The following ZNF385B variants were observed in gnomAD, a reference collection of about 807,000 sequenced individuals.
The protein encoded by ZNF385B is zinc finger protein 385B.
In ZNF385B, 23 loss-of-function variants were observed where a neutral mutation model predicts 39.2. The observed-to-expected ratio is 0.59, with a 90% CI of 0.42 to 0.83. The LOEUF (loss-of-function observed/expected upper bound fraction) is 0.83. ZNF385B is among the 40% of genes least tolerant of loss of function. The pLI, the probability that ZNF385B is intolerant of heterozygous loss-of-function variation, is 0.00. For synonymous variants in ZNF385B, 205 were observed against 222.6 expected (o/e 0.92, Z 0.70); for missense variants, 552 against 598.9 (o/e 0.92, Z 0.82).
chr2:179,496,909 T>C lies in ZNF385B; in HGVS notation c.553-13475A>G, dbSNP rs145358222. Among the ~76,000 whole-genome samples the C allele has an allele frequency of 3.5e-3, 537 of 152,152 alleles. 3 individuals are homozygous for C. The highest frequency in any genetic ancestry group is 5.8e-3 in the Non-Finnish European group (394 of 67,998). On this transcript the variant is annotated intron_variant, in intron 5 of 9. Transcript: ENST00000410066. Reference sequence around the variant, plus strand: ...ACTGAAAACACAAAAATCAGCTGGGTGTGGTGATGCAAATCTGTAATCCCA... The same window carrying C: ...ACTGAAAACACAAAAATCAGCTGGGCGTGGTGATGCAAATCTGTAATCCCA...
At chr2:179,502,253 C>T (rs2056832475) in intron 5 of ZNF385B, among the ~76,000 whole-genome samples, 1 of 152,118 alleles carries the variant, frequency 6.6e-6, no homozygotes, top group South Asian at 2.1e-4. Context: ...TGAATTAACG[C>T]TAGAGTGAGT....
At chr2:179,822,794 C>A (rs1172492830) in intron 1 of ZNF385B, among the ~76,000 whole-genome samples, 1 of 152,094 alleles carries the variant, frequency 6.6e-6, no homozygotes, top group South Asian at 2.1e-4. Context: ...TCTTTGCACA[C>A]AAAAATAAAC....
intron 1 of ZNF385B, among the ~76,000 whole-genome samples, chr2:179,835,135 T>C (rs1020934315): frequency 3.3e-5 from 5 of 152,178 alleles, no homozygotes; most frequent in African/African-American, 4.8e-5. Context: ...ATTGTTAAAT[T>C]TCCTGGACAT....
chr2:179,808,497 T>C (rs538102945), intron 1 of ZNF385B, among the ~76,000 whole-genome samples: 118 of 152,232 alleles, frequency 7.8e-4, no homozygotes, highest in Non-Finnish European at 1.5e-3. Context: ...CTAAAAAAAA[T>C]AACTAAGGCA....
At position 179,754,399 on chromosome 2, in the gene ZNF385B, T is replaced by G. The variant is rs562250296; in HGVS notation, c.298+15104A>C. 6.6e-5 allele frequency among the ~76,000 whole-genome samples: 10 copies of G among 152,322 alleles called. No homozygotes were observed. The South Asian group carries it at 2.1e-3, about 32-fold the overall frequency. ...GGATATTGGTCTAAAATTCTCTTTT[T>G]TGCTGTGCCTCTACCAGGCTTTGCT... On this transcript the variant is annotated intron_variant, in intron 3 of 9. Coordinates refer to ENST00000410066, the MANE Select transcript of ZNF385B (RefSeq NM_152520.6).
chr2:179,827,203 T>C (rs956554174), intron 1 of ZNF385B, among the ~76,000 whole-genome samples: 3 of 152,140 alleles, frequency 2.0e-5, no homozygotes, highest in Non-Finnish European at 4.4e-5. Flanking sequence ...CAAAGACTAG[T>C]TCGTGTGGAA....
At chr2:179,471,129 T>C (rs1274983123) in intron 6 of ZNF385B, among the ~76,000 whole-genome samples, 1 of 152,190 alleles carries the variant, frequency 6.6e-6, no homozygotes, top group Non-Finnish European at 1.5e-5. Flanking sequence ...TTAGGAACGT[T>C]GTTATATGGA....
intron 3 of ZNF385B, among the ~76,000 whole-genome samples, chr2:179,747,279 T>G (rs1356249278): frequency 2.6e-5 from 4 of 152,132 alleles, no homozygotes; most frequent in Non-Finnish European, 4.4e-5. Flanking sequence ...GAAAGTTGAC[T>G]CCTTACGGGC....
At chr2:179,754,861 G>C (rs1575427177) in intron 3 of ZNF385B, among the ~76,000 whole-genome samples, 1 of 152,058 alleles carries the variant, frequency 6.6e-6, no homozygotes, top group African/African-American at 2.4e-5. Flanking sequence ...TATCAATTTT[G>C]TTGATCTTTT....
intron 3 of ZNF385B, among the ~76,000 whole-genome samples, chr2:179,586,081 G>A (rs1024629085): frequency 4.6e-5 from 7 of 152,112 alleles, no homozygotes; most frequent in African/African-American, 1.7e-4. Context: ...TAGGTCCTGG[G>A]GCTTTATGCT....
At chr2:179,627,208 A>G (rs1034975796) in intron 3 of ZNF385B, among the ~76,000 whole-genome samples, 1 of 152,218 alleles carries the variant, frequency 6.6e-6, no homozygotes, top group African/African-American at 2.4e-5. Context: ...TTAACTAATT[A>G]TAGAAATTCT....
intron 3 of ZNF385B, 130 bp downstream of exon 3, chr2:179,769,373 G>T: frequency 7.3e-7 from 1 of 1,376,800 alleles, no homozygotes; most frequent in Non-Finnish European, 9.7e-7. Context: ...TTACCTGTAG[G>T]AGAAAGAGTA....
chr2:179,808,827 A>C (rs2106564074), intron 1 of ZNF385B, among the ~76,000 whole-genome samples: 1 of 152,354 alleles, frequency 6.6e-6, no homozygotes, highest in East Asian at 1.9e-4. Flanking sequence ...CTTTGCAAAA[A>C]AACAACAAAA....
chr2:179,460,504 C>T (rs73037350), intron 6 of ZNF385B, among the ~76,000 whole-genome samples: 4,832 of 152,228 alleles, frequency 0.032, 267 homozygotes, highest in African/African-American at 0.11. Flanking sequence ...TGTAGTTAAA[C>T]GATAACCAGC....
intron 3 of ZNF385B, among the ~76,000 whole-genome samples, chr2:179,687,984 C>T (rs1200430624): frequency 1.3e-5 from 2 of 152,094 alleles, no homozygotes; most frequent in African/African-American, 4.8e-5. Flanking sequence ...GAGATAGTAC[C>T]ATCTACCCCA....
At chr2:179,660,859 CTA>C (rs1694386649) in intron 3 of ZNF385B, among the ~76,000 whole-genome samples, 1 of 152,140 alleles carries the variant, frequency 6.6e-6, no homozygotes, top group African/African-American at 2.4e-5. Context: ...ATTTCTGAGA[CTA>C]TGTTTTCTAA....
chr2:179,644,901 C>T (rs1053956960), intron 3 of ZNF385B, among the ~76,000 whole-genome samples: 1 of 152,288 alleles, frequency 6.6e-6, no homozygotes. Context: ...ATTTTATATA[C>T]TTTGTTACAT....
intron 3 of ZNF385B, among the ~76,000 whole-genome samples, chr2:179,595,806 G>C (rs906331786): frequency 3.2e-4 from 48 of 148,940 alleles, no homozygotes; most frequent in Non-Finnish European, 5.5e-4. Context: ...GCACCATTGC[G>C]CTCCGCACTC....
chr2:179,731,878 C>G (rs1387586809), intron 3 of ZNF385B, among the ~76,000 whole-genome samples: 1 of 152,236 alleles, frequency 6.6e-6, no homozygotes, highest in African/African-American at 2.4e-5. Context: ...ACACCAGGCC[C>G]TCTGCAACCA....
Sources: allele counts gnomAD v4.1 joint callset (sites outside exome capture counted in the v4.1 genomes callset), GRCh38; gene constraint gnomAD v4.1.1; transcripts MANE v1.5; gene names NCBI Gene and HGNC (gene_info 2026-07-23, HGNC 2026-07-21).